The following HPS5 variants were observed in gnomAD, a reference collection of about 807,000 sequenced individuals.
HPS5 encodes HPS5 biogenesis of lysosomal organelles complex 2 subunit 2.
A neutral mutation model predicts 128.0 loss-of-function variants in HPS5; 83 were observed. The observed-to-expected ratio is 0.65, with a 90% CI of 0.54 to 0.78. The LOEUF is 0.78. Ranked by LOEUF, HPS5 falls within the 30% of genes least tolerant of loss-of-function variation. HPS5 has a pLI of 0.00. For missense variants in HPS5, 1,281 were observed against 1,326.2 expected (o/e 0.97, Z 0.53); for synonymous variants, 475 against 470.2 (o/e 1.01, Z -0.13).
At chr11:18,286,910 G>A (rs114860794) in intron 18 of HPS5, 200 bp from the exon 19 acceptor site, 20,967 of 492,426 alleles carry the variant, frequency 0.043, 5 homozygotes, top group South Asian at 0.11. Context: ...GGCCAAAAAA[G>A]AAAAAAAAAA....
intron 8 of HPS5, among the ~76,000 whole-genome samples, chr11:18,301,312 CG>C (rs1861669073): frequency 6.6e-6 from 1 of 151,702 alleles, no homozygotes; most frequent in Non-Finnish European, 1.5e-5. Context: ...AAAAATTAGC[CG>C]GGCATGGTGA....
chr11:18,286,222 C>T (rs1056589095), intron 19 of HPS5, among the ~76,000 whole-genome samples: 1 of 152,176 alleles, frequency 6.6e-6, no homozygotes, highest in African/African-American at 2.4e-5. Flanking sequence ...AGTTCCATTC[C>T]AAAGGAACAC....
At chr11:18,319,254 ACCACAC>A (rs1179009189) in intron 1 of HPS5, among the ~76,000 whole-genome samples, 2 of 83,156 alleles carry the variant, frequency 2.4e-5, no homozygotes, top group South Asian at 3.6e-4. Context: ...AAAGACAAAT[ACCACAC>A]ACACACACAC....
chr11:18,302,401 T>C (rs1202344210), intron 8 of HPS5, among the ~76,000 whole-genome samples: 2 of 152,142 alleles, frequency 1.3e-5, no homozygotes, highest in Non-Finnish European at 2.9e-5. Context: ...TCTGAAATCC[T>C]CCCTTACAGC....
At chr11:18,310,686 A>C (rs1440918261) in intron 5 of HPS5, 55 bp downstream of exon 5, 2 of 1,359,424 alleles carry the variant, frequency 1.5e-6, no homozygotes, top group African/African-American at 2.9e-5. Flanking sequence ...TGGAAGTTTT[A>C]TAAGACAACA....
chr11:18,301,497 T>C (rs1861709526), intron 8 of HPS5, among the ~76,000 whole-genome samples: 2 of 147,872 alleles, frequency 1.4e-5, no homozygotes. Flanking sequence ...AAAAGGCTGG[T>C]ATCTGGAAAA....
At chr11:18,308,229 G>A (rs1336822838) in intron 6 of HPS5, among the ~76,000 whole-genome samples, 2 of 152,116 alleles carry the variant, frequency 1.3e-5, no homozygotes, top group Non-Finnish European at 2.9e-5. Flanking sequence ...ATCTACCCTT[G>A]AGATTTTGAT....
At chr11:18,289,895 T>C (rs1860184871) in intron 16 of HPS5, among the ~76,000 whole-genome samples, 3 of 152,224 alleles carry the variant, frequency 2.0e-5, no homozygotes, top group African/African-American at 7.2e-5. Flanking sequence ...GGATGACATA[T>C]GCGACCTTCC....
chr11:18,306,088 A>C, intron 7 of HPS5, 47 bp downstream of exon 7: 1 of 1,280,334 alleles, frequency 7.8e-7, no homozygotes, highest in Non-Finnish European at 1.1e-6. Context: ...CCGAACCTCT[A>C]TATAGAAGCT....
chr11:18,310,976 C>A, intron 4 of HPS5, 43 bp from the exon 5 acceptor site: 1 of 1,487,196 alleles, frequency 6.7e-7, no homozygotes, highest in East Asian at 2.3e-5. Context: ...CAACAGTGAA[C>A]AAGGTACAAT....
At chr11:18,305,897 A>C (rs1590117838) in intron 7 of HPS5, among the ~76,000 whole-genome samples, 1 of 151,796 alleles carries the variant, frequency 6.6e-6, no homozygotes, top group East Asian at 1.9e-4. Flanking sequence ...ACCCAGCTAA[A>C]TTTTGTTTGT....
chr11:18,307,332 C>G (rs949303147), intron 6 of HPS5, among the ~76,000 whole-genome samples: 5 of 152,104 alleles, frequency 3.3e-5, no homozygotes, highest in African/African-American at 1.2e-4. Flanking sequence ...TACTTAATTG[C>G]TTTATGAATA....
At chr11:18,281,231 A>T (rs1317354324) in intron 22 of HPS5, among the ~76,000 whole-genome samples, 1 of 147,026 alleles carries the variant, frequency 6.8e-6, no homozygotes, top group East Asian at 2.0e-4. Flanking sequence ...AGTGTCTGCC[A>T]CCATGTCCAG....
chr11:18,305,385 T>A (rs755111661), intron 8 of HPS5, 37 bp downstream of exon 8: 2 of 1,346,840 alleles, frequency 1.5e-6, no homozygotes, highest in Non-Finnish European at 2.1e-6. Context: ...CTAAGTATTC[T>A]TTTTCCCCCC....
chr11:18,296,896 T>TGAA lies in HPS5; in HGVS notation c.1409_1411dup (p.Leu470dup). ...CTCATCTTCTGAGAGGGTTTGGCTG[T>TGAA]GAAGGGAGCAAGAGTCTTCATCTGA... On this transcript the variant is annotated inframe_insertion, in exon 12 of 23. Transcript: ENST00000349215. The TGAA allele has an allele frequency of 6.2e-7, 1 of 1,613,180 alleles. No homozygotes were observed. The highest frequency in any genetic ancestry group is 8.5e-7 in the Non-Finnish European group (1 of 1,179,348).
rs930376161 is a variant in HPS5 at position 18,285,351 on chromosome 11, A to T, written c.2946T>A (p.Ser982=). 1.2e-6 allele frequency: 2 copies of T among 1,601,274 alleles called. No homozygotes were observed. Among genetic ancestry groups the T allele is most frequent in the Non-Finnish European group, 1.7e-6 (2 of 1,168,734 alleles). The change falls in exon 20 of 23, where the codon TCT becomes TCA. Residue 982 remains serine, a synonymous_variant. Transcript: ENST00000349215. ...TKEKMTDICR[S]CGFWPGYLIL... ...TCTAAAAAATTCTCACTTACCCACA[A>T]GACCTGCAGATGTCTGTCATTTTCT...
chr11:18,283,379 G>C (rs1434401852), intron 21 of HPS5, among the ~76,000 whole-genome samples: 3 of 150,956 alleles, frequency 2.0e-5, no homozygotes, highest in Non-Finnish European at 4.4e-5. Flanking sequence ...GGAAGTCCTT[G>C]GTCTGAACCC....
At chr11:18,304,207 T>C (rs953791691) in intron 8 of HPS5, among the ~76,000 whole-genome samples, 5 of 151,708 alleles carry the variant, frequency 3.3e-5, no homozygotes, top group Admixed American at 1.3e-4. Context: ...TTATAATGTC[T>C]ATAATTCACT....
chr11:18,311,023 A>G (rs999363252), intron 4 of HPS5, 90 bp from the exon 5 acceptor site: 1 of 897,264 alleles, frequency 1.1e-6, no homozygotes, highest in African/African-American at 1.6e-5. Flanking sequence ...TCAAATACAT[A>G]TGCAACTCTT....
Sources: gnomAD v4.1 joint callset for allele counts (sites outside exome capture counted in the v4.1 genomes callset) on GRCh38, gnomAD v4.1.1 for gene constraint, MANE v1.5 for transcripts, NCBI Gene and HGNC (gene_info 2026-07-23, HGNC 2026-07-21) for gene names.